PDE10A: variants seen among roughly 807,000 people sequenced by gnomAD.
The protein encoded by PDE10A is cAMP and cAMP-inhibited cGMP 3',5'-cyclic phosphodiesterase 10A.
In PDE10A, 39 loss-of-function variants were observed where a neutral mutation model predicts 97.7. That is an observed-to-expected ratio of 0.40 (90% CI 0.31 to 0.52). PDE10A has a LOEUF of 0.52. Among genes scored for constraint, PDE10A ranks in the 20% least tolerant of loss-of-function variants. The pLI, the probability that PDE10A is intolerant of heterozygous loss-of-function variation, is 0.56. For missense variants in PDE10A, 731 were observed against 1,047.8 expected, an observed-to-expected ratio of 0.70 and a Z score of 4.17; for synonymous variants, 371 against 376.8, an observed-to-expected ratio of 0.98 and a Z score of 0.18.
chr6:165,488,287 T>C (rs1268507120), intron 2 of PDE10A, among the ~76,000 whole-genome samples: 1 of 152,184 alleles, frequency 6.6e-6, no homozygotes, highest in African/African-American at 2.4e-5. Flanking sequence ...ATAAAGCATC[T>C]TTGATCCAAA....
chr6:165,561,735 T>C (rs1373521111), intron 1 of PDE10A, among the ~76,000 whole-genome samples: 1 of 152,148 alleles, frequency 6.6e-6, no homozygotes, highest in African/African-American at 2.4e-5. Context: ...TAAGAGCAGA[T>C]AGTTTTCTCC....
chr6:165,833,586 C>T (rs1390748063), intron 1 of PDE10A, among the ~76,000 whole-genome samples: 3 of 152,238 alleles, frequency 2.0e-5, no homozygotes, highest in East Asian at 3.9e-4. Context: ...CAGGCAGTGC[C>T]CCAGAGCCCA....
chr6:165,887,331 T>A (rs998734494), intron 1 of PDE10A, among the ~76,000 whole-genome samples: 1 of 152,240 alleles, frequency 6.6e-6, no homozygotes, highest in Admixed American at 6.5e-5. Context: ...CCCCAGATTC[T>A]TGGGTTCTCC....
At chr6:165,452,901 GA>G (rs200980084) in intron 3 of PDE10A, among the ~76,000 whole-genome samples, 60 of 140,704 alleles carry the variant, frequency 4.3e-4, no homozygotes, top group Admixed American at 1.5e-3. Context: ...TGAGGGTTTA[GA>G]AAAAAAAAAA....
intron 2 of PDE10A, among the ~76,000 whole-genome samples, chr6:165,518,383 A>G (rs1781939157): frequency 6.6e-6 from 1 of 152,144 alleles, no homozygotes; most frequent in Non-Finnish European, 1.5e-5. Flanking sequence ...TAAATTCTCC[A>G]CCATTCCGAG....
chr6:165,960,775 C>G (rs1449481700), intron 1 of PDE10A, among the ~76,000 whole-genome samples: 2 of 152,160 alleles, frequency 1.3e-5, no homozygotes, highest in African/African-American at 2.4e-5. Context: ...AGAGCACAGA[C>G]AGACCCGATC....
intron 10 of PDE10A, among the ~76,000 whole-genome samples, chr6:165,424,097 T>A (rs901542199): frequency 1.3e-5 from 2 of 151,930 alleles, no homozygotes; most frequent in Non-Finnish European, 2.9e-5. Flanking sequence ...TGTTCCCCCA[T>A]CCCCCAAAGT....
intron 3 of PDE10A, among the ~76,000 whole-genome samples, chr6:165,478,515 T>G (rs1047447016): frequency 2.8e-4 from 43 of 152,338 alleles, no homozygotes; most frequent in Admixed American, 2.0e-3. Context: ...ACAGACTTTT[T>G]GTAGCTATAA....
intron 1 of PDE10A, among the ~76,000 whole-genome samples, chr6:165,730,671 T>G (rs1792408485): frequency 6.6e-6 from 1 of 150,442 alleles, no homozygotes; most frequent in Admixed American, 6.6e-5. Context: ...GGGAATCGCT[T>G]GAACCTGGGA....
chr6:165,597,564 A>C (rs537378365), intron 1 of PDE10A, among the ~76,000 whole-genome samples: 1 of 152,240 alleles, frequency 6.6e-6, no homozygotes, highest in African/African-American at 2.4e-5. Flanking sequence ...AATGCGACCA[A>C]TAAATAGAAG....
At chr6:165,702,637 TA>T (rs746013832) in intron 1 of PDE10A, among the ~76,000 whole-genome samples, 1 of 152,180 alleles carries the variant, frequency 6.6e-6, no homozygotes, top group Non-Finnish European at 1.5e-5. Flanking sequence ...GTGAATGTAC[TA>T]AACTGAGAAG....
intron 2 of PDE10A, among the ~76,000 whole-genome samples, chr6:165,528,575 C>G (rs936295210): frequency 7.9e-5 from 12 of 152,222 alleles, no homozygotes; most frequent in African/African-American, 2.7e-4. Context: ...GGAATAGACA[C>G]TTACTCTGGA....
chr6:165,526,107 T>C (rs928934211), intron 2 of PDE10A, among the ~76,000 whole-genome samples: 3 of 152,170 alleles, frequency 2.0e-5, no homozygotes, highest in Non-Finnish European at 4.4e-5. Flanking sequence ...TCTCTCATCC[T>C]TCCCCAAGGA....
At chr6:165,618,029 T>G (rs935171637) in intron 1 of PDE10A, among the ~76,000 whole-genome samples, 1 of 152,120 alleles carries the variant, frequency 6.6e-6, no homozygotes, top group African/African-American at 2.4e-5. Flanking sequence ...AGACTCCATC[T>G]CTAAAAGTTA....
intron 3 of PDE10A, among the ~76,000 whole-genome samples, chr6:165,468,472 AACTTTAT>A (rs1778794217): frequency 6.6e-6 from 1 of 152,138 alleles, no homozygotes; most frequent in African/African-American, 2.4e-5. Context: ...GTATAAACAT[AACTTTAT>A]ATGCGCTGAG....
At chr6:165,421,566 A>G (rs74683456) in intron 10 of PDE10A, among the ~76,000 whole-genome samples, 4,508 of 152,346 alleles carry the variant, frequency 0.03, 260 homozygotes, top group African/African-American at 0.093. Flanking sequence ...ATATTATACC[A>G]AACGGTAAAA....
intron 1 of PDE10A, among the ~76,000 whole-genome samples, chr6:165,682,693 G>A (rs78492428): frequency 0.016 from 2,467 of 152,040 alleles, 34 homozygotes; most frequent in South Asian, 0.048. Context: ...ATCCAGAACC[G>A]TGAAAAATGA....
At chr6:165,691,589 G>A (rs1006093051) in intron 1 of PDE10A, among the ~76,000 whole-genome samples, 70 of 144,578 alleles carry the variant, frequency 4.8e-4, no homozygotes, top group East Asian at 1.8e-3. Flanking sequence ...ATGCACGCGC[G>A]CGCACACACA....
At chr6:165,838,953 T>C (rs1407834305) in intron 1 of PDE10A, among the ~76,000 whole-genome samples, 1 of 152,242 alleles carries the variant, frequency 6.6e-6, no homozygotes, top group African/African-American at 2.4e-5. Flanking sequence ...AGTTGGTTTC[T>C]ATGATTTGCA....
Sources: allele counts gnomAD v4.1 joint callset (sites outside exome capture counted in the v4.1 genomes callset), GRCh38; gene constraint gnomAD v4.1.1; transcripts MANE v1.5; gene names NCBI Gene and HGNC (gene_info 2026-07-23, HGNC 2026-07-21).